PCDHGA3: variants seen among roughly 807,000 people sequenced by gnomAD.
The protein encoded by PCDHGA3 is protocadherin gamma-A3.
A neutral mutation model predicts 58.5 loss-of-function variants in PCDHGA3; 40 were observed. The observed-to-expected ratio is 0.68, with a 90% CI of 0.53 to 0.89. PCDHGA3 has a LOEUF of 0.89. Ranked by LOEUF, PCDHGA3 falls within the 40% of genes least tolerant of loss-of-function variation. The pLI, the probability that PCDHGA3 is intolerant of heterozygous loss-of-function variation, is 0.00. For missense variants in PCDHGA3, 1,223 were observed against 1,195.9 expected (o/e 1.02, Z -0.33); for synonymous variants, 530 against 525.7 (o/e 1.01, Z -0.11).
At chr5:141,427,929 T>A in intron 1 of PCDHGA3, 1 of 1,582,776 alleles carries the variant, frequency 6.3e-7, no homozygotes, top group South Asian at 1.1e-5. Flanking sequence ...CCGGCGCATG[T>A]TGGTGGGCGA....
In PCDHGA3 at chr5:141,371,356, C is replaced by T. The variant is rs748519288; in HGVS notation, c.2424+24899C>T. 2.4e-5 allele frequency: 38 copies of T among 1,613,940 alleles called. No homozygotes were observed. The East Asian group carries it at 7.8e-4, about 33-fold the overall frequency. ...GATAGCTACACAATTGGGGTGGAAG[C>T]AAAGGATGGTGGACATCACACTGCA... is the stretch of plus-strand genomic sequence containing the variant. On this transcript the variant is annotated intron_variant, in intron 1 of 3. Transcript: ENST00000253812.
At chr5:141,400,018 A>G in intron 1 of PCDHGA3, 2 of 1,612,648 alleles carry the variant, frequency 1.2e-6, no homozygotes, top group African/African-American at 1.3e-5. Context: ...CTTGGGCGAC[A>G]GGGACGCGGC....
intron 1 of PCDHGA3, among the ~76,000 whole-genome samples, chr5:141,451,908 G>A (rs899191624): frequency 3.9e-5 from 6 of 152,046 alleles, no homozygotes; most frequent in African/African-American, 7.2e-5. Context: ...AAGGGAGGGA[G>A]GGAGGAAGGA....
chr5:141,482,049 C>G (rs1456071625), intron 1 of PCDHGA3, among the ~76,000 whole-genome samples: 2 of 149,284 alleles, frequency 1.3e-5, no homozygotes, highest in Non-Finnish European at 3.0e-5. Context: ...CATGCTGTTG[C>G]ATTCCAGCCT....
In PCDHGA3 at chr5:141,393,936, G is replaced by A. The variant is rs766829273; in HGVS notation, c.2424+47479G>A. On this transcript the variant is annotated intron_variant, in intron 1 of 3. Transcript: ENST00000253812. ...TGCCTTCTTGAGTGTGCATGACCAA[G>A]ACTCTGGAAAGAATGGTCAAGTTGT... 3 of 1,613,922 alleles carry A rather than the reference G, an allele frequency of 1.9e-6. No homozygotes were observed. In the Admixed American group the frequency reaches 5.0e-5, roughly 27 times the overall value.
At chr5:141,400,234 G>T (rs749957043) in intron 1 of PCDHGA3, 6 of 1,613,868 alleles carry the variant, frequency 3.7e-6, no homozygotes, top group African/African-American at 1.3e-5. Context: ...CCTCCTGGCC[G>T]TGATTCTGGC....
intron 1 of PCDHGA3, among the ~76,000 whole-genome samples, chr5:141,460,889 G>A (rs901987902): frequency 3.3e-5 from 5 of 150,280 alleles, no homozygotes; most frequent in East Asian, 3.9e-4. Flanking sequence ...ATGCCTTTTC[G>A]TGGCTGAGTA....
At chr5:141,423,238 G>A (rs765040062) in intron 1 of PCDHGA3, 3 of 1,613,778 alleles carry the variant, frequency 1.9e-6, no homozygotes, top group South Asian at 1.1e-5. Flanking sequence ...CAGCATCCCC[G>A]AAGTCCTGGC....
At chr5:141,408,857 G>A (rs372861749) in intron 1 of PCDHGA3, 4 of 1,613,542 alleles carry the variant, frequency 2.5e-6, no homozygotes, top group Non-Finnish European at 3.4e-6. Flanking sequence ...GGACGGAGGG[G>A]ACCCACCAAG....
At position 141,345,031 on chromosome 5, in the gene PCDHGA3, T is replaced by G. The variant is rs1276202464; in HGVS notation, c.998T>G (p.Ile333Ser). 2.5e-6 allele frequency: 4 copies of G among 1,613,840 alleles called. No individual in the cohort carries two copies. The highest frequency in any genetic ancestry group is 3.4e-6 in the Non-Finnish European group (4 of 1,179,884). Residue 333 changes from isoleucine to serine, a missense_variant, in exon 1 of 4, where the codon ATT (isoleucine) becomes AGT (serine). This residue lies in a region of PCDHGA3 where 791 missense variants were observed against 708.5 expected (regional missense o/e 1.12). Transcript: ENST00000253812. The stretch of plus-strand genomic sequence containing the variant: ...CCAGGTCTTCTTTCAAGAGCCAAGA[T>G]TCTAGTCACGGTTCTGGATGTGAAT... ...DGPGLLSRAK[I>S]LVTVLDVNDN...
chr5:141,358,466 T>A (rs1432886390), intron 1 of PCDHGA3, among the ~76,000 whole-genome samples: 1 of 152,230 alleles, frequency 6.6e-6, no homozygotes, highest in Non-Finnish European at 1.5e-5. Context: ...ACTGGCAATT[T>A]GTGAGTTTAA....
chr5:141,351,432 A>T, intron 1 of PCDHGA3: 1 of 1,612,218 alleles, frequency 6.2e-7, no homozygotes, highest in Non-Finnish European at 8.5e-7. Context: ...TTCAAATTAG[A>T]ATCCACCTCG....
At chr5:141,504,528 C>T (rs750099460) in intron 2 of PCDHGA3, among the ~76,000 whole-genome samples, 2 of 151,854 alleles carry the variant, frequency 1.3e-5, no homozygotes, top group Non-Finnish European at 2.9e-5. Flanking sequence ...ATATTTTATT[C>T]GTGTCATCAT....
At chr5:141,475,992 C>A in intron 1 of PCDHGA3, 1 of 1,158,844 alleles carries the variant, frequency 8.6e-7, no homozygotes, top group Non-Finnish European at 1.2e-6. Context: ...GCGAGCAAAT[C>A]AACGGCATCC....
intron 1 of PCDHGA3, among the ~76,000 whole-genome samples, chr5:141,475,285 A>G (rs2099361212): frequency 6.6e-6 from 1 of 152,244 alleles, no homozygotes; most frequent in Non-Finnish European, 1.5e-5. Context: ...AAGACAGGGT[A>G]GGGAAATTTC....
chr5:141,482,160 T>G (rs577572891), intron 1 of PCDHGA3, among the ~76,000 whole-genome samples: 1 of 151,854 alleles, frequency 6.6e-6, no homozygotes, highest in Admixed American at 6.6e-5. Context: ...GTCAAAGATA[T>G]GTAAGATTAA....
intron 1 of PCDHGA3, chr5:141,357,782 G>A: frequency 1.2e-6 from 1 of 860,438 alleles, no homozygotes; most frequent in Non-Finnish European, 1.7e-6. Context: ...ATGATCAACA[G>A]TATTTACCAC....
intron 1 of PCDHGA3, chr5:141,422,304 A>G: frequency 6.5e-7 from 1 of 1,548,524 alleles, no homozygotes; most frequent in Non-Finnish European, 8.7e-7. Context: ...CAATTCTGGA[A>G]AACTCTCCTC....
At chr5:141,366,562 T>C (rs767375100) in intron 1 of PCDHGA3, 21 of 1,614,112 alleles carry the variant, frequency 1.3e-5, no homozygotes, top group Non-Finnish European at 1.7e-5. Flanking sequence ...TGGGCGTGGA[T>C]GGGGTTCGGG....
Sources: gnomAD v4.1 joint callset for allele counts (sites outside exome capture counted in the v4.1 genomes callset) on GRCh38, gnomAD v4.1.1 for gene constraint, gnomAD v4.1.1 regional missense constraint, MANE v1.5 for transcripts, NCBI Gene and HGNC (gene_info 2026-07-23, HGNC 2026-07-21) for gene names.